Variants in PCDH15 observed in about 807,000 individuals in gnomAD.
PCDH15 encodes the protein protocadherin-15.
A neutral mutation model predicts 178.5 loss-of-function variants in PCDH15; 129 were observed. The ratio of observed to expected loss-of-function variants is 0.72; its 90% CI spans 0.63 to 0.84. PCDH15 has a LOEUF of 0.84. PCDH15 is among the 40% of genes least tolerant of loss of function. PCDH15 has a pLI of 0.00. For missense variants in PCDH15, 2,230 were observed against 2,099.9 expected, an observed-to-expected ratio of 1.06 and a Z score of -1.21; for synonymous variants, 800 against 732.0, an observed-to-expected ratio of 1.09 and a Z score of -1.50.
At chr10:55,132,102 A>T (rs916496987) in intron 2 of PCDH15, among the ~76,000 whole-genome samples, 2 of 152,168 alleles carry the variant, frequency 1.3e-5, no homozygotes, top group African/African-American at 4.8e-5. Flanking sequence ...GAGTTCAGCC[A>T]GCTCCATGGA....
At chr10:55,220,181 A>C (rs1840830301) in intron 1 of PCDH15, among the ~76,000 whole-genome samples, 1 of 152,018 alleles carries the variant, frequency 6.6e-6, no homozygotes. Flanking sequence ...ACTTATCATA[A>C]TGGTACCAAA....
At chr10:53,940,354 AT>A (rs1434662133) in intron 24 of PCDH15, among the ~76,000 whole-genome samples, 2 of 152,260 alleles carry the variant, frequency 1.3e-5, no homozygotes, top group South Asian at 2.1e-4. Context: ...TGTATGTCTA[AT>A]TTGACTATTT....
At chr10:53,954,193 A>G (rs2087378980) in intron 23 of PCDH15, among the ~76,000 whole-genome samples, 1 of 152,232 alleles carries the variant, frequency 6.6e-6, no homozygotes, top group Non-Finnish European at 1.5e-5. Flanking sequence ...TACATAAGTC[A>G]GAAAGCCTAC....
intron 2 of PCDH15, among the ~76,000 whole-genome samples, chr10:55,387,990 TGGC>T (rs1837702484): frequency 1.3e-5 from 2 of 152,226 alleles, no homozygotes; most frequent in East Asian, 3.9e-4. Context: ...AAAATGCATT[TGGC>T]TCAAATATTT....
chr10:54,658,209 A>G (rs1590882992), intron 2 of PCDH15, among the ~76,000 whole-genome samples: 1 of 152,144 alleles, frequency 6.6e-6, no homozygotes, highest in Admixed American at 6.6e-5. Flanking sequence ...CATGAAAAAT[A>G]TAATTGAGGA....
intron 17 of PCDH15, among the ~76,000 whole-genome samples, chr10:54,070,880 C>T (rs865873864): frequency 6.6e-6 from 1 of 151,982 alleles, no homozygotes; most frequent in African/African-American, 2.4e-5. Context: ...GTCTGAGCCG[C>T]GATATCCAGC....
chr10:54,133,054 A>G (rs1185665892), intron 14 of PCDH15, 47 bp from the exon 15 acceptor site: 3 of 1,612,624 alleles, frequency 1.9e-6, no homozygotes, highest in African/African-American at 1.3e-5. Context: ...TCTGCATCAC[A>G]TTTAATGTTA....
chr10:55,614,686 T>C (rs1458081452), intron 2 of PCDH15, among the ~76,000 whole-genome samples: 1 of 152,166 alleles, frequency 6.6e-6, no homozygotes, highest in African/African-American at 2.4e-5. Context: ...ATACACAGTT[T>C]GTTAAAGTGG....
intron 18 of PCDH15, among the ~76,000 whole-genome samples, chr10:54,033,888 T>G (rs1245085326): frequency 3.3e-5 from 5 of 151,986 alleles, no homozygotes; most frequent in Non-Finnish European, 7.4e-5. Flanking sequence ...TTCTGTTGGG[T>G]TCAATATAAA....
chr10:54,434,482 T>C (rs917751537), intron 3 of PCDH15, among the ~76,000 whole-genome samples: 2 of 152,220 alleles, frequency 1.3e-5, no homozygotes, highest in Non-Finnish European at 2.9e-5. Flanking sequence ...TCAAATATTT[T>C]CCATTGTGTT....
At chr10:53,995,599 A>C in intron 21 of PCDH15, 50 bp downstream of exon 21, 6 of 1,613,382 alleles carry the variant, frequency 3.7e-6, no homozygotes, top group Non-Finnish European at 5.1e-6. Context: ...ATGAGTGTTA[A>C]GGATTTTTCT....
At chr10:55,535,378 CCTCT>C (rs1206476983) in intron 2 of PCDH15, among the ~76,000 whole-genome samples, 2 of 151,884 alleles carry the variant, frequency 1.3e-5, no homozygotes, top group Non-Finnish European at 2.9e-5. Context: ...ACAGAATAAG[CCTCT>C]ACTAGGGCAA....
chr10:54,516,353 A>G (rs924611683), intron 3 of PCDH15, among the ~76,000 whole-genome samples: 1 of 152,222 alleles, frequency 6.6e-6, no homozygotes, highest in Admixed American at 6.5e-5. Flanking sequence ...ACAAATGCAG[A>G]GAAGTGCTTA....
intron 6 of PCDH15, among the ~76,000 whole-genome samples, chr10:54,333,561 G>GC (rs1940337594): frequency 1.3e-5 from 1 of 74,468 alleles, no homozygotes; most frequent in African/African-American, 4.9e-5. Context: ...TACCTAAAAA[G>GC]TTTAAAAAAA....
intron 1 of PCDH15, among the ~76,000 whole-genome samples, chr10:55,180,040 T>C (rs1471795503): frequency 6.6e-6 from 1 of 151,964 alleles, no homozygotes; most frequent in East Asian, 1.9e-4. Flanking sequence ...ATACCTACAA[T>C]TCAAGCAGAA....
chr10:55,280,433 T>C (rs1182553646), intron 1 of PCDH15, among the ~76,000 whole-genome samples: 1 of 148,262 alleles, frequency 6.7e-6, no homozygotes, highest in Non-Finnish European at 1.5e-5. Flanking sequence ...TATCTGACAC[T>C]GCACCCAGCT....
At chr10:54,398,668 C>T (rs1272512117) in intron 3 of PCDH15, among the ~76,000 whole-genome samples, 1 of 151,224 alleles carries the variant, frequency 6.6e-6, no homozygotes, top group Non-Finnish European at 1.5e-5. Context: ...CCTGGAAAAA[C>T]AAAAAAAACT....
intron 2 of PCDH15, among the ~76,000 whole-genome samples, chr10:55,550,791 A>G (rs1841988505): frequency 6.6e-6 from 1 of 152,118 alleles, no homozygotes; most frequent in South Asian, 2.1e-4. Flanking sequence ...CCTTGGAAAT[A>G]TTTGCCATCC....
chr10:54,895,644 C>G (rs1207643408), intron 3 of PCDH15, among the ~76,000 whole-genome samples: 1 of 152,032 alleles, frequency 6.6e-6, no homozygotes, highest in South Asian at 2.1e-4. Context: ...CAAGAAATTT[C>G]CTCTGCAAAA....
Sources: gnomAD v4.1 joint callset for allele counts (sites outside exome capture counted in the v4.1 genomes callset) on GRCh38, gnomAD v4.1.1 for gene constraint, MANE v1.5 for transcripts, NCBI Gene and HGNC (gene_info 2026-07-23, HGNC 2026-07-21) for gene names.